Variants in FAT2 observed in about 807,000 individuals in gnomAD.
The protein encoded by FAT2 is FAT atypical cadherin 2, also known as protocadherin Fat 2.
A neutral mutation model predicts 295.3 loss-of-function variants in FAT2; 150 were observed. The ratio of observed to expected loss-of-function variants is 0.51; its 90% CI spans 0.44 to 0.58. FAT2 has a LOEUF of 0.58. FAT2 is among the 20% of genes least tolerant of loss of function. FAT2 has a pLI of 0.00. For synonymous variants in FAT2, 2,026 were observed against 2,150.3 expected, an observed-to-expected ratio of 0.94 and a Z score of 1.60; for missense variants, 4,868 against 5,442.7, an observed-to-expected ratio of 0.89 and a Z score of 3.32.
At chr5:151,557,114 G>A (rs1380254403) in intron 3 of FAT2, among the ~76,000 whole-genome samples, 1 of 152,148 alleles carries the variant, frequency 6.6e-6, no homozygotes, top group African/African-American at 2.4e-5. Context: ...AACCAGTAGG[G>A]TTACTGGTGC....
At chr5:151,553,438 G>A (rs1757398097) in intron 5 of FAT2, 51 bp from the exon 6 acceptor site, 1 of 1,541,298 alleles carries the variant, frequency 6.5e-7, no homozygotes, top group African/African-American at 1.4e-5. Flanking sequence ...GAGACAGGAA[G>A]ACCCAAGCAG....
intron 1 of FAT2, among the ~76,000 whole-genome samples, chr5:151,575,771 T>C (rs11750312): frequency 0.46 from 70,146 of 151,880 alleles, 16,297 homozygotes; most frequent in Middle Eastern, 0.5. Context: ...GTAGCTGGAG[T>C]TCACTCTAGA....
At position 151,543,368 on chromosome 5, in the gene FAT2, C is replaced by T. The variant is rs1213119455; in HGVS notation, c.7759G>A (p.Ala2587Thr). The T allele has an allele frequency of 6.2e-7, 1 of 1,614,054 alleles. No homozygotes were observed. The highest frequency in any genetic ancestry group is 8.5e-7 in the Non-Finnish European group (1 of 1,180,040). ...TGAATGGATACTGTGTACTCAGATG[C>T]TTTGAACTGTGGGGGGTTGTCATTT... ...DENDNPPQFKASEYTVSIQSN... is the reference protein window; with the variant it reads ...DENDNPPQFKTSEYTVSIQSN... Residue 2587 changes from alanine to threonine, a missense_variant, in exon 10 of 24, where the codon GCA becomes ACA. Physicochemically the swap from Ala to Thr is moderately conservative, Grantham distance 58. Around this residue, in one of 5 missense-constraint regions of FAT2, gnomAD observed 3,297 missense variants for 3,669.4 expected, o/e 0.90. Transcript: ENST00000261800.
At chr5:151,537,282 G>C (rs1432422715) in intron 12 of FAT2, among the ~76,000 whole-genome samples, 1 of 149,924 alleles carries the variant, frequency 6.7e-6, no homozygotes, top group African/African-American at 2.5e-5. Flanking sequence ...GGTGGTGGAG[G>C]AGGAGGAGGA....
In FAT2 at chr5:151,554,515, G is replaced by A. The variant is rs2127630950; in HGVS notation, c.3792C>T (p.Tyr1264=). The part of the protein sequence containing the change: ...RLSPVSPGPV[Y]RLVASDLDEG... Reference sequence around the variant, plus strand: ...CATCCAGGTCTGAAGCCACCAGCCTGTACACAGGCCCAGGGGACACAGGGC... The same window carrying A: ...CATCCAGGTCTGAAGCCACCAGCCTATACACAGGCCCAGGGGACACAGGGC... The change falls in exon 5 of 24, where the codon TAC becomes TAT. Residue 1264 remains tyrosine, a synonymous_variant. Coordinates refer to ENST00000261800, the MANE Select transcript of FAT2 (RefSeq NM_001447.3). 1 of 1,614,230 alleles carries A rather than the reference G, an allele frequency of 6.2e-7. No individual in the cohort carries two copies. Among genetic ancestry groups the A allele is most frequent in the South Asian group, 1.1e-5 (1 of 91,086 alleles).
chr5:151,551,607 C>T lies in FAT2; in HGVS notation c.4157-1G>A. 1.2e-6 allele frequency: 2 copies of T among 1,613,966 alleles called. No individual in the cohort carries two copies. The highest frequency in any genetic ancestry group is 1.7e-6 in the Non-Finnish European group (2 of 1,179,870). On this transcript the variant is annotated splice_acceptor_variant, in intron 6 of 23. Transcript: ENST00000261800. LOFTEE classifies it high-confidence loss of function. ...TCAAAGTCCATGTCCTTATCCCCACCTAGAGTGGGAGTGGGGAGAAAGCAC... is the reference window on the plus strand; with the variant it reads ...TCAAAGTCCATGTCCTTATCCCCACTTAGAGTGGGAGTGGGGAGAAAGCAC...
Position 151,566,483 on chromosome 5 carries a change from C to T in FAT2, c.2449G>A (p.Ala817Thr), listed in dbSNP as rs138650496. 106 of 1,613,706 alleles carry T rather than the reference C, an allele frequency of 6.6e-5. No individual in the cohort carries two copies. The highest frequency in any genetic ancestry group is 1.3e-4 in the East Asian group (6 of 44,874). The change falls in exon 2 of 24, where the codon GCA becomes ACA. Residue 817 changes from alanine to threonine, a missense_variant. By Grantham distance (58) the Ala-to-Thr change is moderately conservative (BLOSUM62 0). This residue lies in a region of FAT2 where 3,297 missense variants were observed against 3,669.4 expected (regional missense o/e 0.90). Transcript: ENST00000261800. ...TACCCACCGGGAGGAAATCTGGGTG[C>T]GTTGTCATTCCAGTCTTTCACATTC... is the stretch of plus-strand genomic sequence containing the variant. ...TVNVKDWNDN[A>T]PRFPPGGYQL... is the part of the protein sequence containing the mutation.
chr5:151,560,635 A>G (rs1050943882), intron 3 of FAT2, among the ~76,000 whole-genome samples: 3 of 152,168 alleles, frequency 2.0e-5, no homozygotes, highest in African/African-American at 7.2e-5. Context: ...GTATCTACAC[A>G]TAGTTTACGA....
intron 13 of FAT2, among the ~76,000 whole-genome samples, chr5:151,533,396 ACACACACACAC>A (rs1754880384): frequency 4.3e-5 from 3 of 70,202 alleles, no homozygotes; most frequent in East Asian, 2.5e-4. Context: ...TATCTCCAAC[ACACACACACAC>A]ACACACACAC....
chr5:151,520,441 G>A (rs1753326860), intron 19 of FAT2, among the ~76,000 whole-genome samples: 1 of 152,160 alleles, frequency 6.6e-6, no homozygotes, highest in African/African-American at 2.4e-5. Flanking sequence ...ACTGCAGATG[G>A]GGCTAATGAC....
Position 151,544,088 on chromosome 5 carries a change from C to A in FAT2, c.7039G>T (p.Val2347Leu). Residue 2347 changes from valine (V) to leucine (L), a missense_variant, in exon 10 of 24, where the codon GTG (valine) becomes TTG (leucine). By Grantham distance (32) the Val-to-Leu change is conservative. Around this residue, in one of 5 missense-constraint regions of FAT2, gnomAD observed 3,297 missense variants for 3,669.4 expected, o/e 0.90. Transcript: ENST00000261800. Reference protein sequence around the residue: ...LDYEAQQHFHVKVRAMDKGDP... With the variant: ...LDYEAQQHFHLKVRAMDKGDP... Reference sequence around the variant, plus strand: ...CCTTTATCCATGGCCCTGACTTTCACATGAAAGTGTTGTTGGGCTTCATAA... The same window carrying A: ...CCTTTATCCATGGCCCTGACTTTCAAATGAAAGTGTTGTTGGGCTTCATAA... The A allele has an allele frequency of 6.2e-7, 1 of 1,614,222 alleles. No homozygotes were observed. The highest frequency in any genetic ancestry group is 8.5e-7 in the Non-Finnish European group (1 of 1,180,028).
chr5:151,528,165 G>T, intron 15 of FAT2, 32 bp from the exon 16 acceptor site: 1 of 1,608,470 alleles, frequency 6.2e-7, no homozygotes, highest in Non-Finnish European at 8.5e-7. Context: ...GTGAATGGAG[G>T]GACAGGAATC....
At chr5:151,538,843 A>ATTTTT (rs535453451) in intron 11 of FAT2, among the ~76,000 whole-genome samples, 1 of 143,848 alleles carries the variant, frequency 7.0e-6, no homozygotes, top group African/African-American at 2.6e-5. Flanking sequence ...CACCTGGCTA[A>ATTTTT]TTTTTTTTTT....
chr5:151,555,933 G>A (rs940188762), intron 4 of FAT2, among the ~76,000 whole-genome samples: 4 of 152,156 alleles, frequency 2.6e-5, no homozygotes, highest in Non-Finnish European at 5.9e-5. Context: ...TGATTTTAGA[G>A]GCATCCTAGA....
rs1286039964 is a variant in FAT2 at position 151,553,268 on chromosome 5, G to T, written c.4065C>A (p.Ser1355Arg). Reference sequence around the variant, plus strand: ...CAGGGTCCGTCTCCATGACCGTAAAGCTGTAGTAGGTCTCATCAAAGGCCA... The same window carrying T: ...CAGGGTCCGTCTCCATGACCGTAAATCTGTAGTAGGTCTCATCAAAGGCCA... The part of the protein sequence containing the change: ...IPLAFDETYY[S>R]FTVMETDPVN... The change falls in exon 6 of 24, where the codon AGC (serine) becomes AGA (arginine). Residue 1355 changes from serine (S) to arginine (R), a missense_variant. Ser to Arg is a moderately radical substitution (Grantham distance 110). This residue lies in a region of FAT2 where 3,297 missense variants were observed against 3,669.4 expected (regional missense o/e 0.90). Coordinates refer to ENST00000261800, the MANE Select transcript of FAT2 (RefSeq NM_001447.3). 17 of 1,614,154 alleles carry T rather than the reference G, an allele frequency of 1.1e-5. No individual in the cohort carries two copies. Among genetic ancestry groups the T allele is most frequent in the African/African-American group, 1.3e-5 (1 of 74,952 alleles).
In FAT2 at chr5:151,531,563, G is replaced by A. The variant is rs899411518; in HGVS notation, c.9811+24C>T. 1 of 1,611,440 alleles carries A rather than the reference G, an allele frequency of 6.2e-7. No individual in the cohort carries two copies. The highest frequency in any genetic ancestry group is 8.5e-7 in the Non-Finnish European group (1 of 1,179,620). ...CAGAAACCCTGTACGCGATGCTTTG[G>A]GGCTTGGTGGATCAGGCTCTCACCT... On this transcript the variant is annotated intron_variant, in intron 14 of 23. Coordinates refer to ENST00000261800, the MANE Select transcript of FAT2 (RefSeq NM_001447.3). The surrounding 1 kb of genome is among the most constrained non-coding windows in gnomAD (Gnocchi z 5.7).
At position 151,567,760 on chromosome 5, in the gene FAT2, G is replaced by C. The variant is rs368986052; in HGVS notation, c.1172C>G (p.Pro391Arg). Residue 391 changes from proline to arginine, a missense_variant, in exon 2 of 24, where the codon CCC becomes CGC. This residue lies in a region of FAT2 where 3,297 missense variants were observed against 3,669.4 expected (regional missense o/e 0.90). Coordinates refer to ENST00000261800, the MANE Select transcript of FAT2 (RefSeq NM_001447.3). ...VVMVRVTPAF[P>R]NLQYVLKPSS... ...TGGCTTTAGAACATACTGCAGGTTGGGGAAGGCTGGGGTGACTCTCACCAT... is the reference window on the plus strand; with the variant it reads ...TGGCTTTAGAACATACTGCAGGTTGCGGAAGGCTGGGGTGACTCTCACCAT... The C allele has an allele frequency of 1.6e-5, 26 of 1,614,032 alleles. No homozygotes were observed. Among genetic ancestry groups the C allele is most frequent in the Non-Finnish European group, 2.1e-5 (25 of 1,180,042 alleles).
At chr5:151,557,304 C>T (rs1757786787) in intron 3 of FAT2, among the ~76,000 whole-genome samples, 1 of 152,114 alleles carries the variant, frequency 6.6e-6, no homozygotes, top group Non-Finnish European at 1.5e-5. Context: ...GGAATTAGAA[C>T]CATTCCTAGC....
At chr5:151,589,481 G>A (rs1759314606) in intron 1 of FAT2, among the ~76,000 whole-genome samples, 1 of 152,342 alleles carries the variant, frequency 6.6e-6, no homozygotes, top group African/African-American at 2.4e-5. Context: ...TCTATCGAGA[G>A]CCCTGGGGGA....
Sources: allele counts gnomAD v4.1 joint callset (sites outside exome capture counted in the v4.1 genomes callset), GRCh38; gene constraint gnomAD v4.1.1; regional missense constraint gnomAD v4.1.1; non-coding constraint Gnocchi (gnomAD v3.1); transcripts MANE v1.5; gene names NCBI Gene and HGNC (gene_info 2026-07-23, HGNC 2026-07-21).